HAS2: variants seen among roughly 807,000 people sequenced by gnomAD.
The protein encoded by HAS2 is HA synthase 2.
HAS2 carries 16 observed loss-of-function variants against 51.6 expected under a neutral mutation model. That is an observed-to-expected ratio of 0.31 (90% CI 0.21 to 0.47). The LOEUF (loss-of-function observed/expected upper bound fraction) is 0.47. Ranked by LOEUF, HAS2 falls within the 20% of genes least tolerant of loss-of-function variation. HAS2 has a pLI of 1.00. For synonymous variants in HAS2, 228 were observed against 235.5 expected (o/e 0.97, Z 0.29); for missense variants, 361 against 662.6 (o/e 0.54, Z 5.00).
Position 121,629,090 on chromosome 8 carries a change from G to C in HAS2, c.251C>G (p.Thr84Arg). 2 of 1,614,090 alleles carry C rather than the reference G, an allele frequency of 1.2e-6. No individual in the cohort carries two copies. The highest frequency in any genetic ancestry group is 1.7e-6 in the Non-Finnish European group (2 of 1,179,976). The stretch of plus-strand genomic sequence containing the variant: ...ATAGGCAGCGATGCAAAGGGCAACT[G>C]TTTTGTTCAACTTTATGGGGGTTTC... Reference protein sequence around the residue: ...SLETPIKLNKTVALCIAAYQE... With the variant: ...SLETPIKLNKRVALCIAAYQE... Residue 84 changes from threonine to arginine, a missense_variant, in exon 2 of 4, where the codon ACA (threonine) becomes AGA (arginine). Transcript: ENST00000303924.
intron 2 of HAS2, 54 bp from the exon 3 acceptor site, chr8:121,617,260 A>G: frequency 1.9e-6 from 2 of 1,068,918 alleles, no homozygotes; most frequent in Admixed American, 3.9e-5. Flanking sequence ...CTATAAATAC[A>G]TTCCCTGTAG....
chr8:121,625,996 C>G (rs1223614665), intron 2 of HAS2, among the ~76,000 whole-genome samples: 1 of 151,964 alleles, frequency 6.6e-6, no homozygotes, highest in East Asian at 1.9e-4. Flanking sequence ...GCTACAGGGC[C>G]GAGAGAGCAG....
At chr8:121,616,793 TAA>T (rs1203716607) in intron 3 of HAS2, among the ~76,000 whole-genome samples, 1 of 152,212 alleles carries the variant, frequency 6.6e-6, no homozygotes, top group Non-Finnish European at 1.5e-5. Context: ...CATGAAATAT[TAA>T]GTTATGGCCC....
intron 1 of HAS2, among the ~76,000 whole-genome samples, chr8:121,632,995 G>T (rs1812953875): frequency 6.6e-6 from 1 of 152,044 alleles, no homozygotes; most frequent in Non-Finnish European, 1.5e-5. Flanking sequence ...GTGGCATAAG[G>T]CCAGATAATT....
intron 2 of HAS2, among the ~76,000 whole-genome samples, chr8:121,620,108 C>T (rs1356515359): frequency 6.6e-6 from 1 of 152,116 alleles, no homozygotes; most frequent in Non-Finnish European, 1.5e-5. Flanking sequence ...TCAGAAATCT[C>T]CTGGGAAAGG....
Position 121,641,263 on chromosome 8 carries a change from A to C in HAS2, c.-411T>G, listed in dbSNP as rs1442674227. On this transcript the variant is annotated 5_prime_UTR_variant, in exon 1 of 4. Coordinates refer to ENST00000303924, the MANE Select transcript of HAS2 (RefSeq NM_005328.3). ...AAAAAAAAAAAAAAAAAGCCTGTGG[A>C]AGACTCAGCAGAACCCAGGAAGCGC... is the stretch of plus-strand genomic sequence containing the variant. 5.1e-5 allele frequency: 7 copies of C among 136,054 alleles called. No individual in the cohort carries two copies. Among genetic ancestry groups the C allele is most frequent in the African/African-American group, 1.9e-4 (7 of 36,114 alleles). 8.4% of individuals were successfully genotyped at this position (136,054 alleles called of 1,614,324 possible).
At chr8:121,617,058 A>T (rs764851994) in intron 3 of HAS2, 47 bp downstream of exon 3, 1 of 1,034,224 alleles carries the variant, frequency 9.7e-7, no homozygotes, top group South Asian at 1.3e-5. Context: ...AAGTGCTCTT[A>T]AAAGTATTTC....
chr8:121,636,349 CT>C (rs1250098425), intron 1 of HAS2, among the ~76,000 whole-genome samples: 1 of 152,068 alleles, frequency 6.6e-6, no homozygotes, highest in Non-Finnish European at 1.5e-5. Context: ...ACATTACCCC[CT>C]GGAACACAAA....
intron 1 of HAS2, chr8:121,640,016 C>G (rs1304104035): frequency 6.6e-6 from 1 of 152,196 alleles, no homozygotes; most frequent in East Asian, 1.9e-4. Context: ...GCTCTGGGGA[C>G]GCCGCAGCTG....
intron 2 of HAS2, among the ~76,000 whole-genome samples, chr8:121,624,522 T>C (rs1051339398): frequency 3.3e-5 from 5 of 152,202 alleles, no homozygotes; most frequent in African/African-American, 1.2e-4. Context: ...CCAGTAATAA[T>C]CACAGTCAAC....
At chr8:121,636,815 CTT>C in intron 1 of HAS2, among the ~76,000 whole-genome samples, 1 of 152,262 alleles carries the variant, frequency 6.6e-6, no homozygotes, top group African/African-American at 2.4e-5. Flanking sequence ...CGCCAAGTCT[CTT>C]TAGGAAATCT....
chr8:121,616,944 TG>T (rs1812711314), intron 3 of HAS2, among the ~76,000 whole-genome samples, 160 bp downstream of exon 3: 1 of 152,172 alleles, frequency 6.6e-6, no homozygotes, highest in African/African-American at 2.4e-5. Flanking sequence ...AAAGAGGCAG[TG>T]AAGCAGATCC....
At chr8:121,630,711 C>T (rs1214939758) in intron 1 of HAS2, among the ~76,000 whole-genome samples, 1 of 152,114 alleles carries the variant, frequency 6.6e-6, no homozygotes, top group African/African-American at 2.4e-5. Context: ...TTAGACTAAG[C>T]AATTACCTTT....
intron 3 of HAS2, 152 bp from the exon 4 acceptor site, chr8:121,615,190 T>TTTCTCTGA (rs1407269539): frequency 1.7e-6 from 1 of 599,760 alleles, no homozygotes; most frequent in Non-Finnish European, 2.9e-6. Context: ...TATTTTATGT[T>TTTCTCTGA]TTCTCTGATT....
intron 1 of HAS2, chr8:121,639,313 C>G (rs926428922): frequency 1.3e-5 from 2 of 152,262 alleles, no homozygotes; most frequent in Non-Finnish European, 2.9e-5. Context: ...CCAGCCCAGA[C>G]ACGTGGGTTG....
intron 1 of HAS2, among the ~76,000 whole-genome samples, chr8:121,630,051 C>G (rs928945664): frequency 2.0e-5 from 3 of 151,860 alleles, no homozygotes; most frequent in African/African-American, 7.3e-5. Context: ...CCTAAGTACC[C>G]TGCATAGATG....
chr8:121,632,399 TAAATTA>T (rs1241749421), intron 1 of HAS2, among the ~76,000 whole-genome samples: 1 of 152,190 alleles, frequency 6.6e-6, no homozygotes, highest in African/African-American at 2.4e-5. Context: ...AGTTCAATCC[TAAATTA>T]TAAGTACTTA....
chr8:121,620,105 T>G (rs1267056267), intron 2 of HAS2, among the ~76,000 whole-genome samples: 1 of 152,038 alleles, frequency 6.6e-6, no homozygotes, highest in East Asian at 1.9e-4. Context: ...AGCTCAGAAA[T>G]CTCCTGGGAA....
chr8:121,632,182 T>G (rs905059780), intron 1 of HAS2, among the ~76,000 whole-genome samples: 1 of 152,208 alleles, frequency 6.6e-6, no homozygotes, highest in African/African-American at 2.4e-5. Context: ...AAGGCACATT[T>G]TAGAGCCAGC....
Sources: gnomAD v4.1 joint callset for allele counts (sites outside exome capture counted in the v4.1 genomes callset) on GRCh38, gnomAD v4.1.1 for gene constraint, MANE v1.5 for transcripts, NCBI Gene and HGNC (gene_info 2026-07-23, HGNC 2026-07-21) for gene names.